PCDH9: variants seen among roughly 807,000 people sequenced by gnomAD.
PCDH9 encodes protocadherin-9.
Under a neutral mutation model 70.6 loss-of-function variants are expected in PCDH9, and 24 were observed. The ratio of observed to expected loss-of-function variants is 0.34; its 90% CI spans 0.25 to 0.48. PCDH9 has a LOEUF of 0.48. Among genes scored for constraint, PCDH9 ranks in the 20% least tolerant of loss-of-function variants. The probability of loss-of-function intolerance (pLI) is 0.99; values close to 1 mark genes in which losing one functional copy is unlikely to be tolerated. For missense variants in PCDH9, 1,281 were observed against 1,503.6 expected (o/e 0.85, Z 2.45); for synonymous variants, 562 against 558.5 (o/e 1.01, Z -0.09).
Position 67,211,189 on chromosome 13 carries a change from T to C in PCDH9, c.3036+14216A>G, listed in dbSNP as rs367730195. The stretch of plus-strand genomic sequence containing the variant: ...TAACCAATAATATTTAATTAACAAG[T>C]GTTAATACACATTTGATTCCTGAGG... On this transcript the variant is annotated intron_variant, in intron 2 of 4. Coordinates refer to ENST00000377865, the MANE Select transcript of PCDH9 (RefSeq NM_203487.3). 2.6e-5 allele frequency: 4 copies of C among 151,954 alleles called. No homozygotes were observed. In the South Asian group the frequency reaches 6.2e-4, roughly 24 times the overall value. 9.4% of individuals were successfully genotyped at this position (151,954 alleles called of 1,614,324 possible).
intron 3 of PCDH9, among the ~76,000 whole-genome samples, chr13:66,871,514 T>C (rs1458178360): frequency 6.6e-6 from 1 of 152,064 alleles, no homozygotes; most frequent in African/African-American, 2.4e-5. Context: ...AGCATAAGAA[T>C]AGTAAGATGA....
At chr13:66,731,873 G>T (rs2079083815) in intron 3 of PCDH9, among the ~76,000 whole-genome samples, 2 of 151,842 alleles carry the variant, frequency 1.3e-5, no homozygotes. Flanking sequence ...TTGATATACT[G>T]TATCATGACA....
At chr13:66,465,413 T>C (rs1049167774) in intron 4 of PCDH9, among the ~76,000 whole-genome samples, 3 of 151,932 alleles carry the variant, frequency 2.0e-5, no homozygotes, top group African/African-American at 4.8e-5. Flanking sequence ...AGTTGAGCTT[T>C]AGATTACAAC....
intron 2 of PCDH9, among the ~76,000 whole-genome samples, chr13:67,139,693 A>T (rs1194678302): frequency 6.6e-6 from 1 of 152,148 alleles, no homozygotes; most frequent in African/African-American, 2.4e-5. Flanking sequence ...TGGTTACCCA[A>T]TCCAGTTGAG....
rs540036583 is a variant in PCDH9, at chr13:66,677,586, T to A, written c.3139-46175A>T. Among the ~76,000 whole-genome samples the A allele has an allele frequency of 5.3e-5, 8 of 152,156 alleles. No individual in the cohort carries two copies. In the South Asian group the frequency reaches 1.7e-3, roughly 32 times the overall value. Reference sequence around the variant, plus strand: ...AGTGAGTTCTTGCAAAATCTGATCATTTAAAAGTGTGTGGCACTTCCTTCC... The same window carrying A: ...AGTGAGTTCTTGCAAAATCTGATCAATTAAAAGTGTGTGGCACTTCCTTCC... On this transcript the variant is annotated intron_variant, in intron 3 of 4. Transcript: ENST00000377865.
At chr13:66,681,532 CCA>C (rs1381268181) in intron 3 of PCDH9, among the ~76,000 whole-genome samples, 1 of 152,020 alleles carries the variant, frequency 6.6e-6, no homozygotes. Context: ...GCTATAATCT[CCA>C]CAGTCTCCCC....
chr13:66,631,457 T>A, intron 3 of PCDH9, 46 bp from the exon 4 acceptor site: 1 of 1,125,366 alleles, frequency 8.9e-7, no homozygotes. Flanking sequence ...TCCTCTCAAA[T>A]AAAACAGGCC....
chr13:66,627,557 A>G (rs1256620313), intron 4 of PCDH9, among the ~76,000 whole-genome samples: 1 of 152,210 alleles, frequency 6.6e-6, no homozygotes, highest in Non-Finnish European at 1.5e-5. Context: ...TTAAACATCA[A>G]GAGAACTGCT....
intron 4 of PCDH9, among the ~76,000 whole-genome samples, chr13:66,439,452 T>C (rs771168095): frequency 2.5e-4 from 38 of 152,282 alleles, no homozygotes; most frequent in Non-Finnish European, 3.8e-4. Flanking sequence ...TCCACAGAAA[T>C]AAAATAGGTA....
intron 4 of PCDH9, among the ~76,000 whole-genome samples, chr13:66,615,142 C>G (rs2077340120): frequency 6.6e-6 from 1 of 152,152 alleles, no homozygotes; most frequent in Non-Finnish European, 1.5e-5. Context: ...TTTATTATGG[C>G]TAGAAGATAT....
rs112676501 is a variant in PCDH9, at chr13:66,440,079, C to A, written c.3341-135051G>T. On this transcript the variant is annotated intron_variant, in intron 4 of 4. Coordinates refer to ENST00000377865, the MANE Select transcript of PCDH9 (RefSeq NM_203487.3). The stretch of plus-strand genomic sequence containing the variant: ...AGTAAAAACAATAAAGATCTTTAAA[C>A]GTGACATAATCAATGAGTGGTTTTT... Among the ~76,000 whole-genome samples the A allele has an allele frequency of 3.5e-3, 529 of 152,172 alleles. 2 individuals are homozygous for A. Among genetic ancestry groups the A allele is most frequent in the African/African-American group, 0.011 (465 of 41,532 alleles).
At chr13:66,517,267 T>C (rs2138599256) in intron 4 of PCDH9, among the ~76,000 whole-genome samples, 1 of 152,276 alleles carries the variant, frequency 6.6e-6, no homozygotes, top group Admixed American at 6.6e-5. Flanking sequence ...ATTGGACACT[T>C]TGTAACTGAC....
In PCDH9 at chr13:66,683,421, C is replaced by T. The variant is rs541883317; in HGVS notation, c.3139-52010G>A. ...GAGAAATGTTCAAATGTTCCCACTT[C>T]CCCTCTCTCACACTAAACAGCCACT... is the stretch of plus-strand genomic sequence containing the variant. On this transcript the variant is annotated intron_variant, in intron 3 of 4. Transcript: ENST00000377865. Among the ~76,000 whole-genome samples the T allele has an allele frequency of 5.3e-5, 8 of 152,250 alleles. No homozygotes were observed. The South Asian group carries it at 1.7e-3, about 32-fold the overall frequency.
chr13:66,829,024 G>GT lies in PCDH9; in HGVS notation c.3138+74479dup, dbSNP rs749326404. ...TCTGTGGGTCTTTTTTTGTTTTTTT[G>GT]TTTTTTTGTTTTTGAGACGGAGTTT... On this transcript the variant is annotated intron_variant, in intron 3 of 4. Transcript: ENST00000377865. Among the ~76,000 whole-genome samples the GT allele has an allele frequency of 1.6e-3, 243 of 151,616 alleles. 3 individuals carry two copies. The highest frequency in any genetic ancestry group is 8.9e-3 in the South Asian group (43 of 4,806).
chr13:67,021,183 A>G (rs552020460), intron 2 of PCDH9, among the ~76,000 whole-genome samples: 1 of 152,328 alleles, frequency 6.6e-6, no homozygotes, highest in African/African-American at 2.4e-5. Context: ...AAGCAAAGTG[A>G]CAACTGCTTA....
intron 3 of PCDH9, among the ~76,000 whole-genome samples, chr13:66,827,261 T>C (rs1249129809): frequency 6.6e-6 from 1 of 151,798 alleles, no homozygotes; most frequent in Non-Finnish European, 1.5e-5. Context: ...TTTGGTCTTC[T>C]GACCTCCCTC....
At chr13:66,736,798 C>A (rs973708162) in intron 3 of PCDH9, among the ~76,000 whole-genome samples, 16 of 152,182 alleles carry the variant, frequency 1.1e-4, no homozygotes, top group African/African-American at 3.6e-4. Context: ...CTGAAACATA[C>A]ACTTCCTTTA....
At chr13:66,708,260 G>A (rs1156560605) in intron 3 of PCDH9, among the ~76,000 whole-genome samples, 3 of 151,398 alleles carry the variant, frequency 2.0e-5, no homozygotes, top group South Asian at 2.1e-4. Context: ...CGTTTTAGCC[G>A]GGATGGTCTC....
intron 3 of PCDH9, among the ~76,000 whole-genome samples, chr13:66,743,897 G>A (rs758379794): frequency 2.0e-5 from 3 of 152,034 alleles, no homozygotes; most frequent in Non-Finnish European, 4.4e-5. Flanking sequence ...TGTATTAGAC[G>A]TAATGCCTGC....
Sources: allele counts gnomAD v4.1 joint callset (sites outside exome capture counted in the v4.1 genomes callset), GRCh38; gene constraint gnomAD v4.1.1; transcripts MANE v1.5; gene names NCBI Gene and HGNC (gene_info 2026-07-23, HGNC 2026-07-21).